The following KCNMB2 variants were observed in gnomAD, a reference collection of about 807,000 sequenced individuals.
The protein encoded by KCNMB2 is potassium calcium-activated channel subfamily M regulatory beta subunit 2.
Under a neutral mutation model 24.5 loss-of-function variants are expected in KCNMB2, and 9 were observed. The observed-to-expected ratio is 0.37, with a 90% confidence interval of 0.22 to 0.64. The LOEUF is 0.64. KCNMB2 is among the 30% of genes least tolerant of loss of function. The pLI is 0.63. For synonymous variants in KCNMB2, 109 were observed against 104.4 expected, an observed-to-expected ratio of 1.04 and a Z score of -0.27; for missense variants, 226 against 284.3, an observed-to-expected ratio of 0.79 and a Z score of 1.47.
chr3:178,795,386 T>A (rs1220738819), intron 1 of KCNMB2, among the ~76,000 whole-genome samples: 1 of 152,166 alleles, frequency 6.6e-6, no homozygotes, highest in African/African-American at 2.4e-5. Context: ...GGTCCCCAAG[T>A]GCTTACATCA....
chr3:178,718,797 G>A (rs540667556), intron 1 of KCNMB2, among the ~76,000 whole-genome samples: 10 of 152,046 alleles, frequency 6.6e-5, no homozygotes, highest in Middle Eastern at 3.4e-3. Flanking sequence ...TCTCTATATC[G>A]TATATGCATC....
At chr3:178,764,111 C>T (rs368470112) in intron 1 of KCNMB2, among the ~76,000 whole-genome samples, 1 of 152,110 alleles carries the variant, frequency 6.6e-6, no homozygotes. Flanking sequence ...CTCTTTCCAC[C>T]ACACCATTTA....
chr3:178,593,850 G>T (rs184760282), intron 1 of KCNMB2, among the ~76,000 whole-genome samples: 233 of 148,548 alleles, frequency 1.6e-3, no homozygotes, highest in Non-Finnish European at 1.7e-3. Context: ...CTCTTTATTG[G>T]CTACTCTTTA....
rs542743662 is a variant in KCNMB2, at chr3:178,815,914, G to A, written c.56+8449G>A. On this transcript the variant is annotated intron_variant, in intron 2 of 4. Coordinates refer to ENST00000452583, the MANE Select transcript of KCNMB2 (RefSeq NM_181361.3). ...TGATATATTTTCATTTTTATATATTGCTAGTTTATCTTGTTTTTAAAATTT... is the reference window on the plus strand; with the variant it reads ...TGATATATTTTCATTTTTATATATTACTAGTTTATCTTGTTTTTAAAATTT... Among the ~76,000 whole-genome samples, 3 of 151,776 alleles carry A rather than the reference G, an allele frequency of 2.0e-5. No homozygotes were observed. The South Asian group carries it at 6.3e-4, about 32-fold the overall frequency.
intron 1 of KCNMB2, among the ~76,000 whole-genome samples, chr3:178,691,243 C>A (rs1395394281): frequency 3.4e-5 from 5 of 149,168 alleles, no homozygotes; most frequent in Non-Finnish European, 7.4e-5. Flanking sequence ...CCACACCTGG[C>A]TTTTTAATTT....
At chr3:178,668,160 C>T (rs946622998) in intron 1 of KCNMB2, among the ~76,000 whole-genome samples, 4 of 152,106 alleles carry the variant, frequency 2.6e-5, no homozygotes, top group African/African-American at 7.2e-5. Flanking sequence ...CACTGCTCTG[C>T]GGCAAGCCCT....
chr3:178,834,128 T>G (rs73183386), intron 4 of KCNMB2, among the ~76,000 whole-genome samples: 22,197 of 152,188 alleles, frequency 0.15, 1,875 homozygotes, highest in Non-Finnish European at 0.19. Context: ...TACCCATTTT[T>G]TGGTATATGG....
intron 1 of KCNMB2, among the ~76,000 whole-genome samples, chr3:178,679,535 A>G (rs1015674728): frequency 1.3e-5 from 2 of 152,220 alleles, no homozygotes; most frequent in Non-Finnish European, 2.9e-5. Context: ...TTGCACATGT[A>G]CATACATGAT....
At chr3:178,619,636 C>T (rs1718838048) in intron 1 of KCNMB2, among the ~76,000 whole-genome samples, 1 of 152,092 alleles carries the variant, frequency 6.6e-6, no homozygotes, top group African/African-American at 2.4e-5. Context: ...TAAAGTCAAT[C>T]CATGATTATA....
chr3:178,675,237 T>TTAA (rs1195727242), intron 1 of KCNMB2, among the ~76,000 whole-genome samples: 2 of 152,250 alleles, frequency 1.3e-5, no homozygotes, highest in African/African-American at 4.8e-5. Flanking sequence ...AACAAGCCTC[T>TTAA]TAATAAGCAT....
At position 178,843,141 on chromosome 3, in the gene KCNMB2, G is replaced by T. The variant is rs1270361029; in HGVS notation, c.*204G>T. On this transcript the variant is annotated 3_prime_UTR_variant, in exon 5 of 5. Coordinates refer to ENST00000452583, the MANE Select transcript of KCNMB2 (RefSeq NM_181361.3). ...GGAGAATAAATAACTGTTTTGTGTTGGTTGGTGGTTTTCATAATCTTATTT... is the reference window on the plus strand; with the variant it reads ...GGAGAATAAATAACTGTTTTGTGTTTGTTGGTGGTTTTCATAATCTTATTT... 4 of 653,334 alleles carry T rather than the reference G, an allele frequency of 6.1e-6. No homozygotes were observed. The highest frequency in any genetic ancestry group is 1.1e-5 in the Non-Finnish European group (4 of 355,662). The allele number at this position is 653,334 out of a possible 1,614,324, so 40.5% of individuals were successfully genotyped here.
intron 1 of KCNMB2, among the ~76,000 whole-genome samples, chr3:178,626,089 T>A (rs964666394): frequency 2.0e-5 from 3 of 152,232 alleles, no homozygotes; most frequent in Non-Finnish European, 2.9e-5. Context: ...CATTCTCTCA[T>A]ACCACTGAGG....
intron 1 of KCNMB2, among the ~76,000 whole-genome samples, chr3:178,693,767 T>A (rs1425108461): frequency 6.6e-6 from 1 of 152,116 alleles, no homozygotes; most frequent in East Asian, 1.9e-4. Context: ...CTACAATGAG[T>A]TAGGGAGGAG....
chr3:178,639,117 T>C (rs114798021), intron 1 of KCNMB2, among the ~76,000 whole-genome samples: 2 of 152,292 alleles, frequency 1.3e-5, no homozygotes, highest in Admixed American at 6.5e-5. Flanking sequence ...TCTTCAAATA[T>C]TGTTTGCTGC....
chr3:178,570,067 G>T (rs1234581344), intron 1 of KCNMB2, among the ~76,000 whole-genome samples: 1 of 151,742 alleles, frequency 6.6e-6, no homozygotes, highest in African/African-American at 2.4e-5. Context: ...TGTTAGTAAT[G>T]ACATCTAATC....
intron 1 of KCNMB2, among the ~76,000 whole-genome samples, chr3:178,651,248 A>G (rs779278168): frequency 2.0e-4 from 30 of 152,222 alleles, no homozygotes; most frequent in Non-Finnish European, 3.5e-4. Context: ...ATACAAAATC[A>G]ATGTGCAAAA....
intron 1 of KCNMB2, among the ~76,000 whole-genome samples, chr3:178,547,018 C>T (rs1351235298): frequency 6.6e-6 from 1 of 152,162 alleles, no homozygotes; most frequent in Non-Finnish European, 1.5e-5. Context: ...ACTTAATCCC[C>T]AATGCAACAG....
intron 1 of KCNMB2, among the ~76,000 whole-genome samples, chr3:178,726,519 T>A (rs1722972049): frequency 1.3e-5 from 2 of 152,094 alleles, no homozygotes; most frequent in African/African-American, 4.8e-5. Context: ...GTTTTTATTT[T>A]ACCTTCGTTC....
intron 1 of KCNMB2, among the ~76,000 whole-genome samples, chr3:178,803,291 T>G (rs1713842187): frequency 6.6e-6 from 1 of 152,184 alleles, no homozygotes; most frequent in Non-Finnish European, 1.5e-5. Context: ...AAAGAAAATC[T>G]TAGTGAATGA....
Sources: allele counts gnomAD v4.1 joint callset (sites outside exome capture counted in the v4.1 genomes callset), GRCh38; gene constraint gnomAD v4.1.1; transcripts MANE v1.5; gene names NCBI Gene and HGNC (gene_info 2026-07-23, HGNC 2026-07-21).